Variants in SPIDR observed in about 807,000 individuals in gnomAD.
SPIDR encodes the protein DNA repair-scaffolding protein.
SPIDR carries 93 observed loss-of-function variants against 104.6 expected under a neutral mutation model. That is an observed-to-expected ratio of 0.89 (90% CI 0.75 to 1.06). The LOEUF (loss-of-function observed/expected upper bound fraction) is 1.06. SPIDR is among the 50% of genes least tolerant of loss of function. The pLI, the probability that SPIDR is intolerant of heterozygous loss-of-function variation, is 0.00. For synonymous variants in SPIDR, 431 were observed against 416.9 expected (o/e 1.03, Z -0.41); for missense variants, 1,154 against 1,111.2 (o/e 1.04, Z -0.55).
At chr8:47,333,130 C>T (rs1224725978) in intron 5 of SPIDR, among the ~76,000 whole-genome samples, 5 of 152,252 alleles carry the variant, frequency 3.3e-5, no homozygotes, top group South Asian at 2.1e-4. Flanking sequence ...CTTCCACCTC[C>T]GTATCTTATT....
At chr8:47,621,500 T>C (rs2065166633) in intron 10 of SPIDR, among the ~76,000 whole-genome samples, 1 of 152,206 alleles carries the variant, frequency 6.6e-6, no homozygotes, top group Non-Finnish European at 1.5e-5. Flanking sequence ...TCTGTCTTAT[T>C]GTGCGCGCCT....
intron 8 of SPIDR, among the ~76,000 whole-genome samples, chr8:47,520,690 G>C (rs1409525542): frequency 2.0e-5 from 3 of 152,216 alleles, no homozygotes; most frequent in African/African-American, 7.2e-5. Context: ...AGGTATTACT[G>C]TAAATTTGCA....
At chr8:47,623,178 G>A (rs920424836) in intron 10 of SPIDR, among the ~76,000 whole-genome samples, 2 of 152,142 alleles carry the variant, frequency 1.3e-5, no homozygotes, top group African/African-American at 4.8e-5. Flanking sequence ...CCACAGACAA[G>A]CAAATGCTGA....
chr8:47,567,288 C>T (rs953246677), intron 8 of SPIDR, among the ~76,000 whole-genome samples: 7 of 151,538 alleles, frequency 4.6e-5, no homozygotes, highest in African/African-American at 1.2e-4. Context: ...GGTGCGATCT[C>T]GGCTCACCGC....
intron 5 of SPIDR, among the ~76,000 whole-genome samples, chr8:47,344,169 C>T (rs2051377174): frequency 6.7e-6 from 1 of 149,088 alleles, no homozygotes; most frequent in South Asian, 2.2e-4. Flanking sequence ...CACGCTGTGT[C>T]CAAGTGTTCT....
chr8:47,647,983 CT>C (rs1207388176), intron 10 of SPIDR, among the ~76,000 whole-genome samples: 1 of 152,136 alleles, frequency 6.6e-6, no homozygotes, highest in Non-Finnish European at 1.5e-5. Flanking sequence ...AGGGTTGGGA[CT>C]CTGATCGTGA....
intron 8 of SPIDR, among the ~76,000 whole-genome samples, chr8:47,549,534 G>T (rs1461542589): frequency 1.3e-5 from 2 of 152,152 alleles, no homozygotes. Context: ...TGATGAGCAT[G>T]TTTTCATATG....
intron 8 of SPIDR, among the ~76,000 whole-genome samples, chr8:47,556,383 G>A (rs939226862): frequency 1.3e-5 from 2 of 152,076 alleles, no homozygotes; most frequent in African/African-American, 4.8e-5. Flanking sequence ...TTTAATCTGG[G>A]GCTCTACCTG....
intron 5 of SPIDR, among the ~76,000 whole-genome samples, chr8:47,388,011 C>T (rs1157174784): frequency 6.6e-6 from 1 of 152,186 alleles, no homozygotes; most frequent in Admixed American, 6.5e-5. Flanking sequence ...TGTCTAGACT[C>T]GTCTGTAGGT....
intron 5 of SPIDR, among the ~76,000 whole-genome samples, chr8:47,311,395 G>A (rs2044123543): frequency 6.6e-6 from 1 of 152,098 alleles, no homozygotes; most frequent in Non-Finnish European, 1.5e-5. Flanking sequence ...GAGAAATTAT[G>A]GCTGGAAATT....
intron 10 of SPIDR, among the ~76,000 whole-genome samples, chr8:47,650,630 A>G (rs2071437413): frequency 6.6e-6 from 1 of 152,184 alleles, no homozygotes; most frequent in Non-Finnish European, 1.5e-5. Context: ...GGCACCAAAA[A>G]AGAGCCTGAA....
chr8:47,592,510 A>G, intron 8 of SPIDR: 2 of 1,411,882 alleles, frequency 1.4e-6, no homozygotes, highest in Non-Finnish European at 1.0e-6. Context: ...CATGAAAATA[A>G]CAGGCATTGC....
At chr8:47,601,866 T>G (rs1336654055) in intron 10 of SPIDR, among the ~76,000 whole-genome samples, 1 of 152,186 alleles carries the variant, frequency 6.6e-6, no homozygotes, top group Non-Finnish European at 1.5e-5. Context: ...GCCTTGAGTT[T>G]GAGGACAGGG....
chr8:47,299,247 T>A (rs1189779713), intron 5 of SPIDR, among the ~76,000 whole-genome samples: 1 of 151,932 alleles, frequency 6.6e-6, no homozygotes, highest in Non-Finnish European at 1.5e-5. Context: ...ATGATTTGGC[T>A]CTCTGTCTGT....
intron 7 of SPIDR, chr8:47,419,372 T>C (rs1438785172): frequency 6.6e-6 from 1 of 152,242 alleles, no homozygotes; most frequent in Non-Finnish European, 1.5e-5. Flanking sequence ...CAGGAATTTA[T>C]CCATTTCTTC....
chr8:47,499,490 A>G (rs935983613), intron 8 of SPIDR, among the ~76,000 whole-genome samples: 5 of 151,938 alleles, frequency 3.3e-5, no homozygotes, highest in East Asian at 1.9e-4. Context: ...CTTGTGGACA[A>G]TTGAGCACCA....
intron 15 of SPIDR, 51 bp downstream of exon 15, chr8:47,712,923 A>G (rs762154043): frequency 2.5e-6 from 4 of 1,607,492 alleles, no homozygotes; most frequent in African/African-American, 1.3e-5. Context: ...ATCCGTGCCC[A>G]TAGAATACCT....
At chr8:47,601,204 A>G (rs780429203) in intron 10 of SPIDR, among the ~76,000 whole-genome samples, 2 of 151,912 alleles carry the variant, frequency 1.3e-5, no homozygotes, top group African/African-American at 2.4e-5. Flanking sequence ...GAGTTAATGA[A>G]TATGCATTCT....
intron 5 of SPIDR, among the ~76,000 whole-genome samples, chr8:47,343,559 A>C (rs1316856319): frequency 4.6e-5 from 7 of 152,176 alleles, no homozygotes; most frequent in African/African-American, 1.7e-4. Context: ...CAGTCTCTCA[A>C]AGCTGAGGAA....
Sources: allele counts gnomAD v4.1 joint callset (sites outside exome capture counted in the v4.1 genomes callset), GRCh38; gene constraint gnomAD v4.1.1; transcripts MANE v1.5; gene names NCBI Gene and HGNC (gene_info 2026-07-23, HGNC 2026-07-21).